The following SSBP3 variants were observed in gnomAD, a reference collection of about 807,000 sequenced individuals.
The protein encoded by SSBP3 is single stranded DNA binding protein 3, also known as single-stranded DNA-binding protein 3.
A neutral mutation model predicts 69.6 loss-of-function variants in SSBP3; 5 were observed. The observed-to-expected ratio is 0.07, with a 90% CI of 0.04 to 0.15. SSBP3 has a LOEUF of 0.15. SSBP3 is among the 10% of genes least tolerant of loss of function. The pLI, the probability that SSBP3 is intolerant of heterozygous loss-of-function variation, is 1.00. For missense variants in SSBP3, 312 were observed against 534.0 expected (o/e 0.58, Z 4.10); for synonymous variants, 196 against 193.4 (o/e 1.01, Z -0.11).
intron 13 of SSBP3, among the ~76,000 whole-genome samples, chr1:54,240,081 T>A (rs868661152): frequency 3.4e-5 from 1 of 29,406 alleles, no homozygotes; most frequent in Non-Finnish European, 7.2e-5. Context: ...TGTGTGTGTG[T>A]GTGTGTGCGC....
intron 5 of SSBP3, among the ~76,000 whole-genome samples, chr1:54,264,864 C>T (rs370421602): frequency 3.3e-5 from 5 of 152,192 alleles, no homozygotes; most frequent in Admixed American, 1.3e-4. Context: ...CCTAGGACAC[C>T]GGCCACTGCT....
exon 5 of SSBP3, chr1:54,281,493 T>C: frequency 1.3e-6 from 2 of 1,570,824 alleles, no homozygotes; most frequent in African/African-American, 2.7e-5. Context: ...GGGGGGAATG[T>C]TGCCAAGCAC....
rs578019449 is a variant in SSBP3 at position 54,247,426 on chromosome 1, G to A, written c.652-4127C>T. ...GGCCATCTCATGCAGGACCACCAGA[G>A]AAAGTTCCTCAAGGGGCCCTTTTCC... is the stretch of plus-strand genomic sequence containing the variant. On this transcript the variant is annotated intron_variant, in intron 9 of 17. Transcript: ENST00000610401. Among the ~76,000 whole-genome samples, 13 of 152,322 alleles carry A rather than the reference G, an allele frequency of 8.5e-5. No homozygotes were observed. The South Asian group carries it at 2.5e-3, about 29-fold the overall frequency.
At position 54,244,424 on chromosome 1, in the gene SSBP3, T is replaced by C. The variant is rs1644698975; in HGVS notation, c.652-1125A>G. Reference sequence around the variant, plus strand: ...GCCTGCCCAGCTAATTTTTAAATTTTTTTGTAGAGATGGGGTCTCCCTTCA... The same window carrying C: ...GCCTGCCCAGCTAATTTTTAAATTTCTTTGTAGAGATGGGGTCTCCCTTCA... On this transcript the variant is annotated intron_variant, in intron 9 of 17. Transcript: ENST00000610401. 2.6e-5 allele frequency among the ~76,000 whole-genome samples: 4 copies of C among 150,994 alleles called. No individual in the cohort carries two copies. In the South Asian group the frequency reaches 8.4e-4, roughly 32 times the overall value.
intron 4 of SSBP3, among the ~76,000 whole-genome samples, chr1:54,298,184 C>T (rs1294758486): frequency 6.6e-6 from 1 of 152,184 alleles, no homozygotes; most frequent in Non-Finnish European, 1.5e-5. Flanking sequence ...CTGCCTCCAT[C>T]AAGCAGACCG....
chr1:54,326,010 A>ACCGGCCAGAGGCAGGCACAGGGG (rs1646295947), intron 4 of SSBP3, among the ~76,000 whole-genome samples: 1 of 146,520 alleles, frequency 6.8e-6, no homozygotes, highest in Non-Finnish European at 1.5e-5. Flanking sequence ...CTTAGTGAGC[A>ACCGGCCAGAGGCAGGCACAGGGG]CCGGCCAGAG....
chr1:54,314,660 C>T (rs141358237), intron 4 of SSBP3, among the ~76,000 whole-genome samples: 90 of 152,312 alleles, frequency 5.9e-4, no homozygotes, highest in Non-Finnish European at 1.2e-3. Flanking sequence ...TTCCTTAGAT[C>T]CTGCCTAAAA....
At chr1:54,308,686 C>T (rs1313475885) in intron 4 of SSBP3, among the ~76,000 whole-genome samples, 1 of 151,394 alleles carries the variant, frequency 6.6e-6, no homozygotes, top group Non-Finnish European at 1.5e-5. Flanking sequence ...GAGAATCACT[C>T]GAACCCAGAA....
intron 14 of SSBP3, among the ~76,000 whole-genome samples, chr1:54,232,032 G>A (rs1294092500): frequency 6.6e-6 from 1 of 152,142 alleles, no homozygotes; most frequent in African/African-American, 2.4e-5. Flanking sequence ...CTGCTGTAAG[G>A]ACACAGTTCA....
intron 4 of SSBP3, among the ~76,000 whole-genome samples, chr1:54,391,542 T>C (rs1008090646): frequency 1.3e-5 from 2 of 152,052 alleles, no homozygotes; most frequent in Non-Finnish European, 2.9e-5. Context: ...TGCTCCCCCC[T>C]CTCCACTGCC....
At chr1:54,374,731 C>T (rs1647188614) in intron 4 of SSBP3, among the ~76,000 whole-genome samples, 2 of 152,162 alleles carry the variant, frequency 1.3e-5, no homozygotes, top group African/African-American at 4.8e-5. Flanking sequence ...CACACACAAC[C>T]CTGACCCCAA....
At chr1:54,322,867 A>G (rs567618137) in intron 4 of SSBP3, among the ~76,000 whole-genome samples, 7 of 152,188 alleles carry the variant, frequency 4.6e-5, no homozygotes, top group African/African-American at 2.4e-5. Flanking sequence ...ACAGGAACCC[A>G]TACAATCACT....
intron 14 of SSBP3, among the ~76,000 whole-genome samples, chr1:54,235,335 G>C (rs1205179023): frequency 6.9e-6 from 1 of 144,410 alleles, no homozygotes; most frequent in Non-Finnish European, 1.5e-5. Context: ...AGGCTGGAGT[G>C]CAATGGCACG....
At chr1:54,407,039 G>T (rs1389019603), upstream of SSBP3, among the ~76,000 whole-genome samples, 1 of 152,040 alleles carries the variant, frequency 6.6e-6, no homozygotes, top group Non-Finnish European at 1.5e-5. Flanking sequence ...AGAGCTGGGC[G>T]GCTCGAGCCG....
At chr1:54,348,783 T>C (rs964176168) in intron 4 of SSBP3, among the ~76,000 whole-genome samples, 1 of 152,226 alleles carries the variant, frequency 6.6e-6, no homozygotes, top group Admixed American at 6.5e-5. Context: ...CCAATGTGCC[T>C]GGAAGAGCAA....
chr1:54,383,045 AGAAG>A (rs1209135062), intron 4 of SSBP3, among the ~76,000 whole-genome samples: 1 of 146,958 alleles, frequency 6.8e-6, no homozygotes, highest in Non-Finnish European at 1.5e-5. Flanking sequence ...AGAAAGAAAG[AGAAG>A]GAAGGAAGGA....
chr1:54,294,713 A>C (rs1334787520), intron 4 of SSBP3, among the ~76,000 whole-genome samples: 1 of 152,000 alleles, frequency 6.6e-6, no homozygotes, highest in Non-Finnish European at 1.5e-5. Context: ...TTCCATCTCC[A>C]AGATGAAGCC....
At chr1:54,264,431 C>T (rs1398337764) in intron 5 of SSBP3, among the ~76,000 whole-genome samples, 1 of 152,260 alleles carries the variant, frequency 6.6e-6, no homozygotes, top group African/African-American at 2.4e-5. Flanking sequence ...CCATATTCCT[C>T]AAATCTGCCT....
intron 4 of SSBP3, among the ~76,000 whole-genome samples, chr1:54,322,449 C>T (rs1312106875): frequency 6.6e-6 from 1 of 152,072 alleles, no homozygotes; most frequent in Non-Finnish European, 1.5e-5. Context: ...TTTGGGAGTT[C>T]TTGGGCCAGG....
Sources: gnomAD v4.1 joint callset for allele counts (sites outside exome capture counted in the v4.1 genomes callset) on GRCh38, gnomAD v4.1.1 for gene constraint, MANE v1.5 for transcripts, NCBI Gene and HGNC (gene_info 2026-07-23, HGNC 2026-07-21) for gene names.